Variants in EDNRB observed in about 807,000 individuals in gnomAD.
The protein encoded by EDNRB is endothelin receptor type B.
EDNRB carries 18 observed loss-of-function variants against 46.4 expected under a neutral mutation model. The observed-to-expected ratio is 0.39, with a 90% confidence interval of 0.27 to 0.57. The LOEUF (loss-of-function observed/expected upper bound fraction) is 0.57, where lower values mean the gene tolerates loss of function less well. EDNRB is among the 20% of genes least tolerant of loss of function. The probability of loss-of-function intolerance (pLI) is 0.61; values close to 1 mark genes in which losing one functional copy is unlikely to be tolerated. For missense variants in EDNRB, 434 were observed against 537.5 expected (o/e 0.81, Z 1.90); for synonymous variants, 213 against 204.9 (o/e 1.04, Z -0.34).
intron 1 of EDNRB, among the ~76,000 whole-genome samples, chr13:77,933,146 A>G (rs1880450035): frequency 6.6e-6 from 1 of 152,240 alleles, no homozygotes; most frequent in South Asian, 2.1e-4. Context: ...TGCCCATTTC[A>G]AAACACCTGT....
At chr13:77,916,970 T>C (rs1879838588) in intron 1 of EDNRB, among the ~76,000 whole-genome samples, 1 of 152,030 alleles carries the variant, frequency 6.6e-6, no homozygotes, top group African/African-American at 2.4e-5. Flanking sequence ...AGCCTTATTG[T>C]GGAATTGAGG....
At chr13:77,943,260 T>G (rs1009395128) in intron 1 of EDNRB, among the ~76,000 whole-genome samples, 5 of 152,148 alleles carry the variant, frequency 3.3e-5, no homozygotes, top group African/African-American at 1.2e-4. Flanking sequence ...TTAGAATTTA[T>G]GTATCTCATC....
At chr13:77,917,709 C>G (rs921177241) in intron 1 of EDNRB, among the ~76,000 whole-genome samples, 7 of 152,164 alleles carry the variant, frequency 4.6e-5, no homozygotes, top group African/African-American at 1.7e-4. Flanking sequence ...ATCATAATCA[C>G]ATAAAGGGCT....
chr13:77,905,659 T>A (rs1365797535), intron 1 of EDNRB, among the ~76,000 whole-genome samples: 1 of 151,960 alleles, frequency 6.6e-6, no homozygotes, highest in Non-Finnish European at 1.5e-5. Flanking sequence ...GGTGTTTTCT[T>A]GATAAGCTTC....
rs201845371 is a variant in EDNRB at position 77,896,686 on chromosome 13, C to A, written c.*1514G>T. The stretch of plus-strand genomic sequence containing the variant: ...GTGTTTTGCTGGAACAAAATCAGGA[C>A]CTTTTGCATTGATGTGACGAGGCAA... On this transcript the variant is annotated 3_prime_UTR_variant, in exon 7 of 7. Transcript: ENST00000646607. 102 of 1,447,734 alleles carry A rather than the reference C, an allele frequency of 7.0e-5. No individual in the cohort carries two copies. In the South Asian group the frequency reaches 1.3e-3, roughly 19 times the overall value. 89.7% of individuals were successfully genotyped at this position (1,447,734 alleles called of 1,614,324 possible).
At chr13:77,961,143 A>C (rs902237655) in intron 1 of EDNRB, among the ~76,000 whole-genome samples, 1 of 152,150 alleles carries the variant, frequency 6.6e-6, no homozygotes, top group Non-Finnish European at 1.5e-5. Context: ...ACAAGACAGA[A>C]AGTTAACAAG....
chr13:77,914,249 G>C (rs978661330), intron 1 of EDNRB, among the ~76,000 whole-genome samples: 1 of 152,144 alleles, frequency 6.6e-6, no homozygotes. Context: ...TTGTAGTCAT[G>C]TTTGTCACGA....
chr13:77,969,107 A>G (rs934580005), intron 1 of EDNRB, among the ~76,000 whole-genome samples: 12 of 152,216 alleles, frequency 7.9e-5, no homozygotes, highest in African/African-American at 2.9e-4. Flanking sequence ...TTGTGGCACC[A>G]GAGTTCCTAT....
chr13:77,931,560 A>C (rs1200333494), intron 1 of EDNRB, among the ~76,000 whole-genome samples: 1 of 152,042 alleles, frequency 6.6e-6, no homozygotes, highest in Non-Finnish European at 1.5e-5. Flanking sequence ...TTTTTATAGG[A>C]GACATCAGTG....
chr13:77,899,886 C>T lies in EDNRB; in HGVS notation c.1167G>A (p.Val389=). 2.5e-6 allele frequency: 4 copies of T among 1,611,798 alleles called. No homozygotes were observed. In the South Asian group the frequency reaches 3.3e-5, roughly 13 times the overall value. The part of the protein sequence containing the change: ...SCINPIALYL[V]SKRFKNCFKS... ...TAAAGCAGTTTTTGAATCTTTTGCT[C>T]ACCAAATACAGAGCAATTGGGTTAA... The change falls in exon 6 of 7, where the codon GTG becomes GTA. Residue 389 remains valine (V), a synonymous_variant. Coordinates refer to ENST00000646607, the MANE Select transcript of EDNRB (RefSeq NM_001122659.3).
intron 4 of EDNRB, 26 bp downstream of exon 4, chr13:77,901,032 G>A: frequency 2.5e-6 from 4 of 1,607,216 alleles, no homozygotes; most frequent in Non-Finnish European, 3.4e-6. Context: ...TCAACCACGA[G>A]TTATCAAATA....
chr13:77,903,613 T>C lies in EDNRB; in HGVS notation c.484-6A>G, dbSNP rs201165417. ...GGCCAGTCCTCTGCCAGCAGCTGCA[T>C]TGAGAAGACACGAAGCTCTGTTAGG... On this transcript the variant is annotated splice_region_variant and splice_polypyrimidine_tract_variant and intron_variant, in intron 1 of 6. Coordinates refer to ENST00000646607, the MANE Select transcript of EDNRB (RefSeq NM_001122659.3). The C allele has an allele frequency of 6.2e-7, 1 of 1,612,120 alleles. No individual in the cohort carries two copies. The highest frequency in any genetic ancestry group is 8.5e-7 in the Non-Finnish European group (1 of 1,178,744).
chr13:77,906,967 C>T (rs545056062), intron 1 of EDNRB, among the ~76,000 whole-genome samples: 2 of 152,028 alleles, frequency 1.3e-5, no homozygotes, highest in South Asian at 4.1e-4. Flanking sequence ...TAATACCTGC[C>T]CGACAGTGGT....
intron 1 of EDNRB, chr13:77,939,070 A>G (rs906841543): frequency 6.6e-6 from 1 of 152,230 alleles, no homozygotes; most frequent in African/African-American, 2.4e-5. Flanking sequence ...CTGAGTCCAG[A>G]AAGAGAGTCA....
rs1222250737 is a variant in EDNRB, at chr13:77,898,020, C to A, written c.*180G>T. 1 of 1,400,318 alleles carries A rather than the reference C, an allele frequency of 7.1e-7. No individual in the cohort carries two copies. 86.7% of individuals were successfully genotyped at this position (1,400,318 alleles called of 1,614,324 possible). A position where few individuals can be genotyped will look rare whatever the true frequency, so the allele number is the denominator to read the frequency against. On this transcript the variant is annotated 3_prime_UTR_variant, in exon 7 of 7. Coordinates refer to ENST00000646607, the MANE Select transcript of EDNRB (RefSeq NM_001122659.3). ...AATTCCCACTGATTTTCTTTCCATG[C>A]CGTAAACAGCTCATAAAATGTCATA...
intron 1 of EDNRB, among the ~76,000 whole-genome samples, chr13:77,915,211 C>T (rs1430667267): frequency 1.3e-5 from 2 of 152,072 alleles, no homozygotes; most frequent in African/African-American, 4.8e-5. Context: ...TTAACTGGTC[C>T]TGGATTTGAT....
At chr13:77,949,729 T>C (rs949727336) in intron 1 of EDNRB, among the ~76,000 whole-genome samples, 1 of 152,120 alleles carries the variant, frequency 6.6e-6, no homozygotes, top group African/African-American at 2.4e-5. Flanking sequence ...TCCAGACAAT[T>C]GGACCAGCAT....
chr13:77,919,322 C>G, upstream of EDNRB: 2 of 1,477,676 alleles, frequency 1.4e-6, no homozygotes, highest in South Asian at 2.4e-5. Context: ...AAATCCCAAA[C>G]TAGTAAGCCA....
Position 77,918,565 on chromosome 13 carries a change from C to G in EDNRB, c.9G>C (p.Pro3=), listed in dbSNP as rs201820859. Residue 3 remains proline (P), a synonymous_variant, in exon 1 of 7, where the codon CCG becomes CCC. Transcript: ENST00000646607. The surrounding 1 kb of genome is among the most constrained non-coding windows in gnomAD (Gnocchi z 4.5). ...GGGCGCGTCCGCACAGACTTGGAGGCGGCTGCATGCTGCTACCTGCTCCAG... is the reference window on the plus strand; with the variant it reads ...GGGCGCGTCCGCACAGACTTGGAGGGGGCTGCATGCTGCTACCTGCTCCAG... The part of the protein sequence containing the change: MQ[P]PPSLCGRALV... The G allele has an allele frequency of 6.3e-7, 1 of 1,595,982 alleles. No individual in the cohort carries two copies. The highest frequency in any genetic ancestry group is 1.8e-5 in the Admixed American group (1 of 56,220).
Sources: allele counts gnomAD v4.1 joint callset (sites outside exome capture counted in the v4.1 genomes callset), GRCh38; gene constraint gnomAD v4.1.1; non-coding constraint Gnocchi (gnomAD v3.1); transcripts MANE v1.5; gene names NCBI Gene and HGNC (gene_info 2026-07-23, HGNC 2026-07-21).